The following SEMA6D variants were observed in gnomAD, a reference collection of about 807,000 sequenced individuals.
SEMA6D encodes the protein semaphorin-6D.
Under a neutral mutation model 106.6 loss-of-function variants are expected in SEMA6D, and 35 were observed. The observed-to-expected ratio is 0.33, with a 90% CI of 0.25 to 0.44. The LOEUF is 0.44. Among genes scored for constraint, SEMA6D ranks in the 20% least tolerant of loss-of-function variants. SEMA6D has a pLI of 1.00. For missense variants in SEMA6D, 1,185 were observed against 1,345.9 expected (o/e 0.88, Z 1.87); for synonymous variants, 499 against 487.7 (o/e 1.02, Z -0.31).
intron 1 of SEMA6D, among the ~76,000 whole-genome samples, chr15:47,236,385 G>A (rs2032541239): frequency 6.6e-6 from 1 of 151,994 alleles, no homozygotes; most frequent in African/African-American, 2.4e-5. Flanking sequence ...TTTTTCCAGA[G>A]TCAATATAAT....
chr15:47,365,243 C>T (rs1382931855), intron 1 of SEMA6D, among the ~76,000 whole-genome samples: 1 of 152,176 alleles, frequency 6.6e-6, no homozygotes, highest in African/African-American at 2.4e-5. Context: ...TTTATTTATG[C>T]TTTGCACACA....
intron 3 of SEMA6D, among the ~76,000 whole-genome samples, chr15:47,548,559 T>C (rs975092825): frequency 6.6e-6 from 1 of 152,120 alleles, no homozygotes; most frequent in Non-Finnish European, 1.5e-5. Flanking sequence ...TGGTTGCCAT[T>C]TGGACCTTCT....
intron 1 of SEMA6D, among the ~76,000 whole-genome samples, chr15:47,314,523 G>C (rs1353493171): frequency 1.4e-5 from 2 of 138,512 alleles, no homozygotes; most frequent in Non-Finnish European, 1.6e-5. Context: ...GCGTGAACCC[G>C]GGAGGCGGAG....
At chr15:47,662,857 G>GCACACACACA (rs140613951) in intron 4 of SEMA6D, among the ~76,000 whole-genome samples, 5,033 of 134,032 alleles carry the variant, frequency 0.038, 274 homozygotes, top group African/African-American at 0.13. Context: ...GTGTATGAGC[G>GCACACACACA]CACACACACA....
chr15:47,660,219 G>A lies in SEMA6D; in HGVS notation c.-55+59323G>A, dbSNP rs1452764897. 2.0e-5 allele frequency among the ~76,000 whole-genome samples: 3 copies of A among 151,962 alleles called. No individual in the cohort carries two copies. In the East Asian group the frequency reaches 5.8e-4, roughly 29 times the overall value. On this transcript the variant is annotated intron_variant, in intron 4 of 19. Transcript: ENST00000558014. ...ATAAAAAAAAAAAACCTGAGAAATA[G>A]GTAAAGTCACTTTGTATGTGGTCAT...
chr15:47,233,713 C>T (rs2032359931), intron 1 of SEMA6D, among the ~76,000 whole-genome samples: 2 of 151,852 alleles, frequency 1.3e-5, no homozygotes, highest in Admixed American at 1.3e-4. Context: ...TTTCTTTTCA[C>T]ATAGTTTGTT....
At chr15:47,332,116 G>C (rs1248793201) in intron 1 of SEMA6D, among the ~76,000 whole-genome samples, 1 of 152,184 alleles carries the variant, frequency 6.6e-6, no homozygotes, top group Admixed American at 6.5e-5. Context: ...TCTGAAGAAT[G>C]AGCGTAAATG....
chr15:47,315,019 T>C (rs969605976), intron 1 of SEMA6D, among the ~76,000 whole-genome samples: 8 of 150,824 alleles, frequency 5.3e-5, no homozygotes, highest in African/African-American at 1.2e-4. Context: ...GCGCCCGCCA[T>C]CACGCCCGGC....
At chr15:47,654,799 T>C (rs752025551) in intron 4 of SEMA6D, among the ~76,000 whole-genome samples, 2 of 152,256 alleles carry the variant, frequency 1.3e-5, no homozygotes, top group Non-Finnish European at 2.9e-5. Flanking sequence ...GTTAAGCTTA[T>C]TGAGGTTTCT....
At chr15:47,251,943 T>C (rs866373405) in intron 1 of SEMA6D, among the ~76,000 whole-genome samples, 2 of 118,762 alleles carry the variant, frequency 1.7e-5, no homozygotes, top group South Asian at 5.5e-4. Context: ...TGAGACGGAG[T>C]CTCGCTCTGT....
intron 3 of SEMA6D, among the ~76,000 whole-genome samples, chr15:47,575,407 G>A (rs891601375): frequency 6.6e-5 from 10 of 152,138 alleles, no homozygotes; most frequent in African/African-American, 2.4e-4. Flanking sequence ...GTGGGAAGGT[G>A]CAGGAAGGAG....
intron 3 of SEMA6D, among the ~76,000 whole-genome samples, chr15:47,580,462 G>C (rs981920243): frequency 2.0e-5 from 3 of 152,136 alleles, no homozygotes; most frequent in African/African-American, 7.2e-5. Context: ...GATTTGTTTT[G>C]TTTTTTCATG....
chr15:47,204,225 C>T (rs912135126), intron 1 of SEMA6D, among the ~76,000 whole-genome samples: 5 of 152,128 alleles, frequency 3.3e-5, no homozygotes, highest in African/African-American at 1.2e-4. Context: ...AAAAATTTAA[C>T]CTCCTGTGGT....
At chr15:47,523,756 T>A (rs2044663689) in intron 3 of SEMA6D, among the ~76,000 whole-genome samples, 2 of 152,202 alleles carry the variant, frequency 1.3e-5, no homozygotes, top group African/African-American at 4.8e-5. Flanking sequence ...TCATCTCCTC[T>A]AAGTGTAAAA....
intron 3 of SEMA6D, among the ~76,000 whole-genome samples, chr15:47,536,801 C>A (rs1434103215): frequency 2.0e-5 from 3 of 152,082 alleles, no homozygotes; most frequent in Admixed American, 2.0e-4. Flanking sequence ...AGGCAGAAGT[C>A]ATAGAGAAAC....
chr15:47,565,303 G>T (rs2046197403), intron 3 of SEMA6D, among the ~76,000 whole-genome samples: 1 of 152,158 alleles, frequency 6.6e-6, no homozygotes, highest in East Asian at 1.9e-4. Flanking sequence ...CCACTCACCT[G>T]CACACTCCCT....
At chr15:47,251,934 G>A (rs1251448350) in intron 1 of SEMA6D, among the ~76,000 whole-genome samples, 1 of 4,906 alleles carries the variant, frequency 2.0e-4, no homozygotes, top group Non-Finnish European at 4.0e-4. Context: ...TTTTTTTTTT[G>A]AGACGGAGTC....
At chr15:47,666,285 T>G (rs1023186788) in intron 4 of SEMA6D, among the ~76,000 whole-genome samples, 15 of 152,230 alleles carry the variant, frequency 9.9e-5, no homozygotes, top group African/African-American at 3.6e-4. Context: ...TTCAGGAAGC[T>G]GGGCCCAGAC....
chr15:47,368,608 C>G (rs1595845710), intron 1 of SEMA6D, among the ~76,000 whole-genome samples: 1 of 151,944 alleles, frequency 6.6e-6, no homozygotes, highest in African/African-American at 2.4e-5. Flanking sequence ...GTAGCTGGGA[C>G]TACAGGCGCC....
Sources: gnomAD v4.1 joint callset for allele counts (sites outside exome capture counted in the v4.1 genomes callset) on GRCh38, gnomAD v4.1.1 for gene constraint, MANE v1.5 for transcripts, NCBI Gene and HGNC (gene_info 2026-07-23, HGNC 2026-07-21) for gene names.